MPHOSPH9: variants seen among roughly 807,000 people sequenced by gnomAD.
MPHOSPH9 encodes M-phase phosphoprotein 9.
MPHOSPH9 carries 88 observed loss-of-function variants against 145.5 expected under a neutral mutation model. The ratio of observed to expected loss-of-function variants is 0.60; its 90% CI spans 0.51 to 0.72. The LOEUF is 0.72. Ranked by LOEUF, MPHOSPH9 falls within the 30% of genes least tolerant of loss-of-function variation. The pLI is 0.00. For synonymous variants in MPHOSPH9, 435 were observed against 486.2 expected (o/e 0.89, Z 1.39); for missense variants, 1,238 against 1,386.6 (o/e 0.89, Z 1.70).
intron 13 of MPHOSPH9, among the ~76,000 whole-genome samples, chr12:123,184,846 C>T (rs2138145223): frequency 6.6e-6 from 1 of 152,256 alleles, no homozygotes; most frequent in Middle Eastern, 3.4e-3. Context: ...CTCTGTCACC[C>T]AGGCTGGTGT....
intron 19 of MPHOSPH9, 103 bp from the exon 20 acceptor site, chr12:123,163,237 T>C: frequency 8.0e-7 from 1 of 1,247,110 alleles, no homozygotes; most frequent in Non-Finnish European, 1.1e-6. Context: ...GGAATATAAT[T>C]TCAACGTAAA....
At chr12:123,217,085 A>T (rs1187913624) in intron 6 of MPHOSPH9, among the ~76,000 whole-genome samples, 1 of 152,128 alleles carries the variant, frequency 6.6e-6, no homozygotes, top group African/African-American at 2.4e-5. Flanking sequence ...AAAAAACCTT[A>T]CTCAATATCT....
chr12:123,206,911 TC>T (rs879790577), intron 8 of MPHOSPH9, among the ~76,000 whole-genome samples: 74 of 151,030 alleles, frequency 4.9e-4, no homozygotes, highest in Middle Eastern at 6.8e-3. Context: ...AGACTCCGTC[TC>T]AAAAAAAAAG....
chr12:123,179,679 C>A, intron 15 of MPHOSPH9, among the ~76,000 whole-genome samples: 1 of 142,606 alleles, frequency 7.0e-6, no homozygotes, highest in African/African-American at 2.6e-5. Context: ...CAGGAATTCA[C>A]AGCCAATCTA....
chr12:123,156,747 G>T lies in MPHOSPH9; in HGVS notation c.*60C>A, dbSNP rs773801556. Reference sequence around the variant, plus strand: ...CAGTACAAAATAGTTTGCCTTTTCTGACTGCATAATTATACATTAGTGCAA... The same window carrying T: ...CAGTACAAAATAGTTTGCCTTTTCTTACTGCATAATTATACATTAGTGCAA... On this transcript the variant is annotated 3_prime_UTR_variant, in exon 24 of 24. Transcript: ENST00000606320. 26 of 1,384,620 alleles carry T rather than the reference G, an allele frequency of 1.9e-5. No individual in the cohort carries two copies. Among genetic ancestry groups the T allele is most frequent in the Non-Finnish European group, 2.5e-5 (25 of 985,368 alleles). The allele number at this position is 1,384,620 out of a possible 1,614,324, so 85.8% of individuals were successfully genotyped here.
Position 123,158,345 on chromosome 12 carries a change from G to A in MPHOSPH9, c.3451-1437C>T, listed in dbSNP as rs566882774. 2.6e-5 allele frequency among the ~76,000 whole-genome samples: 4 copies of A among 152,186 alleles called. No individual in the cohort carries two copies. The South Asian group carries it at 8.3e-4, about 32-fold the overall frequency. On this transcript the variant is annotated intron_variant, in intron 23 of 23. Coordinates refer to ENST00000606320, the MANE Select transcript of MPHOSPH9 (RefSeq NM_022782.4). ...AGGCCAAGCATGATGGCTTACACCT[G>A]TAATCCCAGCACTTTGGGAGACCAA...
chr12:123,165,640 G>A lies in MPHOSPH9; in HGVS notation c.2592-163C>T. ...ATTAGGGTTGGATGAGGTCATGAGG[G>A]TGAAGCCTCCAAGATGGGATTAATG... On this transcript the variant is annotated intron_variant, in intron 17 of 23. Transcript: ENST00000606320. 5.0e-6 allele frequency: 3 copies of A among 604,008 alleles called. No individual in the cohort carries two copies. In the South Asian group the frequency reaches 7.6e-5, roughly 15 times the overall value. 37.4% of individuals were successfully genotyped at this position (604,008 alleles called of 1,614,324 possible). A position where few individuals can be genotyped will look rare whatever the true frequency, so the allele number is the denominator to read the frequency against.
Position 123,166,697 on chromosome 12 carries a change from T to C in MPHOSPH9, c.2549A>G (p.Asp850Gly). ...IFTGQPLDTQDSNVDNQLEET... is the reference protein window; with the variant it reads ...IFTGQPLDTQGSNVDNQLEET... ...CTCCAGCTGGTTATCCACGTTACTG[T>C]CCTGGGTGTCCAGAGGCTGGCCAGT... Residue 850 changes from aspartate to glycine, a missense_variant, in exon 17 of 24, where the codon GAC (aspartate) becomes GGC (glycine). By Grantham distance (94) the Asp-to-Gly change is moderately conservative. Transcript: ENST00000606320. 6.2e-7 allele frequency: 1 copy of C among 1,614,070 alleles called. No homozygotes were observed. Among genetic ancestry groups the C allele is most frequent in the Non-Finnish European group, 8.5e-7 (1 of 1,180,006 alleles).
At chr12:123,172,873 T>A (rs2044649947) in intron 16 of MPHOSPH9, among the ~76,000 whole-genome samples, 1 of 110,128 alleles carries the variant, frequency 9.1e-6, no homozygotes. Flanking sequence ...TTCATTCACT[T>A]TTTTTTTTTT....
chr12:123,163,864 C>G, intron 19 of MPHOSPH9, 86 bp downstream of exon 19: 1 of 1,544,960 alleles, frequency 6.5e-7, no homozygotes, highest in Non-Finnish European at 8.9e-7. Context: ...CAAGAGAAAC[C>G]AGAAACAGGC....
chr12:123,172,871 CTTTTTTTTTTTTT>C lies in MPHOSPH9; in HGVS notation c.2456+3804_2456+3816del, dbSNP rs1161727056. Among the ~76,000 whole-genome samples the C allele has an allele frequency of 8.6e-5, 5 of 57,932 alleles. No homozygotes were observed. The South Asian group carries it at 2.8e-3, about 32-fold the overall frequency. 38.0% of individuals were successfully genotyped at this position (57,932 alleles called of 152,430 possible). A position where few individuals can be genotyped will look rare whatever the true frequency, so the allele number is the denominator to read the frequency against. On this transcript the variant is annotated intron_variant, in intron 16 of 23. Coordinates refer to ENST00000606320, the MANE Select transcript of MPHOSPH9 (RefSeq NM_022782.4). The stretch of plus-strand genomic sequence containing the variant: ...TGTTAGACTTTCAGGTTTTCATTCA[CTTTTTTTTTTTTT>C]TTTTTTTTTTTTTTTGAGACAGAGC...
chr12:123,234,716 G>C (rs2047811091), upstream of MPHOSPH9, among the ~76,000 whole-genome samples: 1 of 152,140 alleles, frequency 6.6e-6, no homozygotes, highest in South Asian at 2.1e-4. Flanking sequence ...GGGTAAATTT[G>C]ATGTTATCCT....
upstream of MPHOSPH9, among the ~76,000 whole-genome samples, chr12:123,236,369 G>A (rs1173432104): frequency 2.6e-5 from 4 of 152,062 alleles, no homozygotes; most frequent in Non-Finnish European, 1.5e-5. Context: ...TGAGGCAGGA[G>A]GATTGCTTGA....
Position 123,221,507 on chromosome 12 carries a change from T to C in MPHOSPH9, c.737A>G (p.Glu246Gly). 6.2e-7 allele frequency: 1 copy of C among 1,614,220 alleles called. No homozygotes were observed. Among genetic ancestry groups the C allele is most frequent in the Non-Finnish European group, 8.5e-7 (1 of 1,180,026 alleles). The change falls in exon 5 of 24, where the codon GAG (glutamate) becomes GGG (glycine). Residue 246 changes from glutamate to glycine, a missense_variant. Glu to Gly is a moderately conservative substitution (Grantham distance 98, BLOSUM62 -2). Around this residue, in one of 3 missense-constraint regions of MPHOSPH9, gnomAD observed 837 missense variants for 897.5 expected, o/e 0.93. Coordinates refer to ENST00000606320, the MANE Select transcript of MPHOSPH9 (RefSeq NM_022782.4). The part of the protein sequence containing the change: ...AESLVDGVKN[E>G]NFYIQTPEEC... ...TTCAGGAGTCTGTATATAAAAATTC[T>C]CATTTTTCACACCATCTACAAGTGA...
intron 4 of MPHOSPH9, 49 bp from the exon 5 acceptor site, chr12:123,221,944 A>G (rs1308121338): frequency 2.1e-6 from 2 of 962,330 alleles, no homozygotes; most frequent in Middle Eastern, 4.6e-4. Flanking sequence ...ATTAAACATC[A>G]TATTTTTATG....
Position 123,200,024 on chromosome 12 carries a change from G to A in MPHOSPH9, c.1938-1690C>T, listed in dbSNP as rs150697880. Among the ~76,000 whole-genome samples the A allele has an allele frequency of 1.9e-3, 285 of 152,186 alleles. 2 individuals carry two copies. The highest frequency in any genetic ancestry group is 2.5e-3 in the Non-Finnish European group (171 of 68,016). ...AAAAAAATCACTCAAATAATCAAGT[G>A]TGTGTTAATTGTATTTGACTTTTTT... On this transcript the variant is annotated intron_variant, in intron 11 of 23. Transcript: ENST00000606320.
chr12:123,181,768 G>A (rs2045161298), intron 13 of MPHOSPH9, among the ~76,000 whole-genome samples: 1 of 151,994 alleles, frequency 6.6e-6, no homozygotes, highest in African/African-American at 2.4e-5. Flanking sequence ...TATGCTTACA[G>A]ACTCAGGAGG....
At chr12:123,243,248 T>TTTG (rs2047972175) in intron 1 of MPHOSPH9, among the ~76,000 whole-genome samples, 1 of 151,938 alleles carries the variant, frequency 6.6e-6, no homozygotes, top group Non-Finnish European at 1.5e-5. Flanking sequence ...TTTTTTTTTT[T>TTTG]GGCTGGGCGC....
chr12:123,175,385 C>G (rs947431341), intron 16 of MPHOSPH9, among the ~76,000 whole-genome samples: 3 of 152,056 alleles, frequency 2.0e-5, no homozygotes, highest in Non-Finnish European at 4.4e-5. Flanking sequence ...GATCTCCTGA[C>G]CTTGTGATCC....
Sources: gnomAD v4.1 joint callset for allele counts (sites outside exome capture counted in the v4.1 genomes callset) on GRCh38, gnomAD v4.1.1 for gene constraint, gnomAD v4.1.1 regional missense constraint, MANE v1.5 for transcripts, NCBI Gene and HGNC (gene_info 2026-07-23, HGNC 2026-07-21) for gene names.